Variants in ARMH1 observed in about 807,000 individuals in gnomAD.
ARMH1 encodes armadillo like helical domain containing 1.
Under a neutral mutation model 50.2 loss-of-function variants are expected in ARMH1, and 34 were observed. The ratio of observed to expected loss-of-function variants is 0.68; its 90% confidence interval spans 0.51 to 0.90. The LOEUF (loss-of-function observed/expected upper bound fraction) is 0.90. Among genes scored for constraint, ARMH1 ranks in the 40% least tolerant of loss-of-function variants. The pLI is 0.00. For missense variants in ARMH1, 538 were observed against 553.9 expected, an observed-to-expected ratio of 0.97 and a Z score of 0.29; for synonymous variants, 221 against 224.2, an observed-to-expected ratio of 0.99 and a Z score of 0.13.
At chr1:44,725,044 G>GC in intron 10 of ARMH1, 92 bp from the exon 11 acceptor site, 4 of 1,531,774 alleles carry the variant, frequency 2.6e-6, no homozygotes, top group Admixed American at 2.0e-5. Flanking sequence ...CTGCCGACCC[G>GC]CCCCCCACCT....
rs192442965 is a variant in ARMH1 at position 44,686,080 on chromosome 1, G to A, written c.-22-3596G>A. On this transcript the variant is annotated intron_variant, in intron 1 of 11. Coordinates refer to ENST00000535358, the MANE Select transcript of ARMH1 (RefSeq NM_001145636.2). ...AAATGGGCATCCGTCAGAAAAACTC[G>A]GCAAGAGGAAATCCCAGGACAACAT... Among the ~76,000 whole-genome samples, 1,035 of 152,260 alleles carry A rather than the reference G, an allele frequency of 6.8e-3. 38 individuals carry two copies. The highest frequency in any genetic ancestry group is 0.062 in the Admixed American group (941 of 15,288).
rs984157615 is a variant in ARMH1 at position 44,682,777 on chromosome 1, T to A, written c.-22-6899T>A. On this transcript the variant is annotated intron_variant, in intron 1 of 11. Coordinates refer to ENST00000535358, the MANE Select transcript of ARMH1 (RefSeq NM_001145636.2). The surrounding 1 kb of genome is among the most constrained non-coding windows in gnomAD (Gnocchi z 4.5). ...CCCACCTCTACAAAAAATAAACAAA[T>A]ATAAAAATAAAAATTAGGTGGGCAT... Among the ~76,000 whole-genome samples the A allele has an allele frequency of 2.0e-5, 3 of 151,770 alleles. No homozygotes were observed. The highest frequency in any genetic ancestry group is 4.4e-5 in the Non-Finnish European group (3 of 67,970).
rs538678042 is a variant in ARMH1, at chr1:44,699,279, G to A, written c.442+1050G>A. ...AGCCTGGGCTACAGAGCAAGACTCC[G>A]TCTCAAAAAAAAAAAAAAAAAAAAG... On this transcript the variant is annotated intron_variant, in intron 4 of 11. Coordinates refer to ENST00000535358, the MANE Select transcript of ARMH1 (RefSeq NM_001145636.2). 3.3e-3 allele frequency among the ~76,000 whole-genome samples: 379 copies of A among 113,718 alleles called. 9 individuals carry two copies. Among genetic ancestry groups the A allele is most frequent in the South Asian group, 0.031 (104 of 3,368 alleles). 74.6% of individuals were successfully genotyped at this position (113,718 alleles called of 152,430 possible). A position where few individuals can be genotyped will look rare whatever the true frequency, so the allele number is the denominator to read the frequency against.
chr1:44,682,484 AGGGGT>A lies in ARMH1; in HGVS notation c.-22-7180_-22-7176del, dbSNP rs1377731191. On this transcript the variant is annotated intron_variant, in intron 1 of 11. Coordinates refer to ENST00000535358, the MANE Select transcript of ARMH1 (RefSeq NM_001145636.2). This position sits in a 1 kb window ranked among gnomAD's most constrained non-coding sequence, Gnocchi z 4.5. ...AGCAGCAGCAGCATGGGTTGAGGCA[AGGGGT>A]GGGGTGGGGTGTCAGGTTTCACCTG... Among the ~76,000 whole-genome samples the A allele has an allele frequency of 1.3e-5, 2 of 152,074 alleles. No homozygotes were observed. The highest frequency in any genetic ancestry group is 4.8e-5 in the African/African-American group (2 of 41,424).
Position 44,717,675 on chromosome 1 carries a change from C to T in ARMH1, c.725-6447C>T, listed in dbSNP as rs563610471. On this transcript the variant is annotated intron_variant, in intron 6 of 11. Transcript: ENST00000535358. ...ATAGCCCTAGCCCAGAGGCCTGGCA[C>T]AGACAAGATGCTCAATGAGAATTTT... Among the ~76,000 whole-genome samples, 8 of 152,312 alleles carry T rather than the reference C, an allele frequency of 5.3e-5. 1 individual carries two copies. The highest frequency in any genetic ancestry group is 2.6e-4 in the Admixed American group (4 of 15,292).
At chr1:44,707,679 T>C (rs56164117) in intron 6 of ARMH1, among the ~76,000 whole-genome samples, 69,125 of 152,018 alleles carry the variant, frequency 0.45, 16,520 homozygotes, top group East Asian at 0.77. Context: ...GCCTCCACAT[T>C]CCAAAGTGCT....
At chr1:44,720,402 G>A (rs983341563) in intron 6 of ARMH1, among the ~76,000 whole-genome samples, 3 of 152,238 alleles carry the variant, frequency 2.0e-5, no homozygotes, top group Non-Finnish European at 2.9e-5. Context: ...AGGCTGCCAT[G>A]ACCCAAGCCT....
chr1:44,701,872 G>A (rs1280683049), intron 5 of ARMH1, among the ~76,000 whole-genome samples: 2 of 151,710 alleles, frequency 1.3e-5, no homozygotes, highest in African/African-American at 4.8e-5. Flanking sequence ...AGGTTACAGT[G>A]AGCCAAGATC....
intron 2 of ARMH1, among the ~76,000 whole-genome samples, chr1:44,693,540 C>T (rs1645726477): frequency 6.6e-6 from 1 of 152,056 alleles, no homozygotes; most frequent in Non-Finnish European, 1.5e-5. Context: ...CCTCAACCTC[C>T]CGGGCTTAAG....
At chr1:44,704,373 G>A (rs1646241644) in intron 6 of ARMH1, among the ~76,000 whole-genome samples, 200 bp downstream of exon 6, 3 of 152,164 alleles carry the variant, frequency 2.0e-5, no homozygotes, top group African/African-American at 4.8e-5. Context: ...GAACGGTTAC[G>A]AGAATCTGCC....
rs11449439 is a variant in ARMH1, at chr1:44,702,710, C to CAAA, written c.640-1363_640-1361dup. On this transcript the variant is annotated intron_variant, in intron 5 of 11. Coordinates refer to ENST00000535358, the MANE Select transcript of ARMH1 (RefSeq NM_001145636.2). ...CTGGAGACACAGCGAGACTCCATCT[C>CAAA]AAAAAAAAAAAAAAAAAAGAAAAGA... 4.1e-4 allele frequency among the ~76,000 whole-genome samples: 37 copies of CAAA among 89,884 alleles called. 2 individuals are homozygous for CAAA. Among genetic ancestry groups the CAAA allele is most frequent in the African/African-American group, 1.1e-3 (27 of 23,480 alleles). 59.0% of individuals were successfully genotyped at this position (89,884 alleles called of 152,430 possible).
rs1646243200 is a variant in ARMH1 at position 44,704,413 on chromosome 1, C to G, written c.724+240C>G. On this transcript the variant is annotated intron_variant, in intron 6 of 11. Coordinates refer to ENST00000535358, the MANE Select transcript of ARMH1 (RefSeq NM_001145636.2). ...TCCAGAGCTGGCTCTGGCTCCCAGT[C>G]TTATGTGATGCTTCCTGGCTAAACA... 2.0e-5 allele frequency among the ~76,000 whole-genome samples: 3 copies of G among 152,194 alleles called. No homozygotes were observed. In the South Asian group the frequency reaches 6.2e-4, roughly 32 times the overall value.
chr1:44,690,670 A>T (rs1645630948), intron 2 of ARMH1, among the ~76,000 whole-genome samples: 1 of 152,048 alleles, frequency 6.6e-6, no homozygotes, highest in Admixed American at 6.6e-5. Context: ...CTTCATGGTG[A>T]AGCTTCTTTT....
intron 6 of ARMH1, chr1:44,721,898 A>C (rs1229298450): frequency 2.6e-5 from 4 of 152,216 alleles, no homozygotes; most frequent in Admixed American, 6.5e-5. Context: ...GAGAAACCAG[A>C]GATCTGCCTG....
At chr1:44,691,656 C>A (rs1387783348) in intron 2 of ARMH1, among the ~76,000 whole-genome samples, 1 of 152,164 alleles carries the variant, frequency 6.6e-6, no homozygotes, top group Admixed American at 6.5e-5. Flanking sequence ...AGATTCAACA[C>A]CACTCTTGTA....
At chr1:44,701,588 C>T (rs1646083280) in intron 5 of ARMH1, among the ~76,000 whole-genome samples, 2 of 151,674 alleles carry the variant, frequency 1.3e-5, no homozygotes, top group Admixed American at 6.6e-5. Context: ...CATACGAAGA[C>T]ATCGTACCTA....
intron 5 of ARMH1, among the ~76,000 whole-genome samples, chr1:44,702,710 C>CAAAAAAAAAAAAAAAAA (rs11449439): frequency 7.8e-5 from 7 of 89,898 alleles, no homozygotes; most frequent in Admixed American, 1.3e-4. Context: ...GACTCCATCT[C>CAAAAAAAAAAAAAAAAA]AAAAAAAAAA....
intron 6 of ARMH1, among the ~76,000 whole-genome samples, chr1:44,704,858 G>A (rs1268064927): frequency 2.3e-5 from 3 of 128,124 alleles, no homozygotes; most frequent in African/African-American, 9.0e-5. Context: ...TTTTTGAGAC[G>A]GAATCTCGCT....
intron 4 of ARMH1, among the ~76,000 whole-genome samples, chr1:44,700,399 C>T (rs907903306): frequency 2.0e-5 from 3 of 152,062 alleles, no homozygotes; most frequent in Non-Finnish European, 2.9e-5. Flanking sequence ...GGGCGCATCA[C>T]GAGGTCAGGA....
Sources: allele counts gnomAD v4.1 joint callset (sites outside exome capture counted in the v4.1 genomes callset), GRCh38; gene constraint gnomAD v4.1.1; non-coding constraint Gnocchi (gnomAD v3.1); transcripts MANE v1.5; gene names NCBI Gene and HGNC (gene_info 2026-07-23, HGNC 2026-07-21).